ANO1: variants seen among roughly 807,000 people sequenced by gnomAD.
ANO1 encodes anoctamin 1, also known as anoctamin-1.
ANO1 carries 59 observed loss-of-function variants against 124.0 expected under a neutral mutation model. The observed-to-expected ratio is 0.48, with a 90% CI of 0.39 to 0.59. The LOEUF is 0.59. ANO1 is among the 20% of genes least tolerant of loss of function. ANO1 has a pLI of 0.00. For synonymous variants in ANO1, 529 were observed against 532.0 expected (o/e 0.99, Z 0.08); for missense variants, 1,059 against 1,328.0 (o/e 0.80, Z 3.15).
rs926235076 is a variant in ANO1 at position 70,028,727 on chromosome 11, G to A, written c.58+42561G>A. ...GGCAGACTTGGGTCCTCTGCTCCGT[G>A]CTCTGACAGATCGTGGAGGTGGGAC... On this transcript the variant is annotated intron_variant, in intron 1 of 27. Coordinates refer to the ANO1 transcript ENST00000531349. Among the ~76,000 whole-genome samples, 7 of 152,264 alleles carry A rather than the reference G, an allele frequency of 4.6e-5. No homozygotes were observed. The South Asian group carries it at 1.2e-3, about 27-fold the overall frequency.
intron 1 of ANO1, among the ~76,000 whole-genome samples, chr11:70,016,867 C>A (rs1555002020): frequency 6.6e-6 from 1 of 152,226 alleles, no homozygotes; most frequent in Non-Finnish European, 1.5e-5. Flanking sequence ...CAGGCCATTT[C>A]CCAGCTGCTT....
chr11:70,147,336 A>T (rs1019447321), intron 11 of ANO1, among the ~76,000 whole-genome samples: 2 of 151,976 alleles, frequency 1.3e-5, no homozygotes, highest in African/African-American at 4.8e-5. Context: ...ACCTCCCCGC[A>T]TTGCCTCCTG....
intron 1 of ANO1, among the ~76,000 whole-genome samples, chr11:69,987,372 C>A (rs1388264910): frequency 6.6e-6 from 1 of 152,210 alleles, no homozygotes; most frequent in Non-Finnish European, 1.5e-5. Flanking sequence ...GATTCAAATG[C>A]TTCACACATT....
At chr11:70,120,633 G>A (rs1300151555) in intron 8 of ANO1, among the ~76,000 whole-genome samples, 1 of 152,184 alleles carries the variant, frequency 6.6e-6, no homozygotes, top group Non-Finnish European at 1.5e-5. Context: ...TGGAGGCATG[G>A]AGGGTGAGAA....
intron 11 of ANO1, among the ~76,000 whole-genome samples, chr11:70,148,583 C>A (rs1296041028): frequency 6.6e-6 from 1 of 152,192 alleles, no homozygotes; most frequent in Non-Finnish European, 1.5e-5. Flanking sequence ...AGGAACAGCT[C>A]GAGAATCGTG....
At chr11:70,074,277 G>A (rs1214392748), upstream of ANO1, among the ~76,000 whole-genome samples, 3 of 152,224 alleles carry the variant, frequency 2.0e-5, no homozygotes, top group African/African-American at 7.2e-5. Flanking sequence ...AAACCCCTCT[G>A]AATGCAGAGA....
chr11:69,986,648 G>A (rs1856048616), intron 1 of ANO1, among the ~76,000 whole-genome samples: 1 of 151,278 alleles, frequency 6.6e-6, no homozygotes, highest in Non-Finnish European at 1.5e-5. Flanking sequence ...AATCATAATG[G>A]AAACTGAGAG....
At chr11:69,985,706 C>G (rs1210494749), upstream of ANO1, among the ~76,000 whole-genome samples, 1 of 152,164 alleles carries the variant, frequency 6.6e-6, no homozygotes, top group Non-Finnish European at 1.5e-5. Flanking sequence ...GGTGGAGACG[C>G]GCCCCGCGCA....
In ANO1 at chr11:70,065,660, A is replaced by T. The variant is rs532260489; in HGVS notation, c.59-12882A>T. On this transcript the variant is annotated intron_variant, in intron 1 of 27. Transcript: ENST00000531349. ...TCCCCCTAGTTGGCCTGGCCCTCCC[A>T]ACCTCCTCTCTGCCCTTGTCCCCCG... Among the ~76,000 whole-genome samples the T allele has an allele frequency of 2.2e-3, 270 of 121,192 alleles. 2 individuals are homozygous for T. Among genetic ancestry groups the T allele is most frequent in the Non-Finnish European group, 3.9e-3 (222 of 56,934 alleles). The allele number at this position is 121,192 out of a possible 152,430, so 79.5% of individuals were successfully genotyped here.
Position 70,095,427 on chromosome 11 carries a change from A to G in ANO1, c.441+7343A>G, listed in dbSNP as rs549620979. Among the ~76,000 whole-genome samples, 133 of 30,646 alleles carry G rather than the reference A, an allele frequency of 4.3e-3. 17 individuals carry two copies. The highest frequency in any genetic ancestry group is 0.014 in the Admixed American group (57 of 3,970). The allele number at this position is 30,646 out of a possible 152,430, so 20.1% of individuals were successfully genotyped here. Reference sequence around the variant, plus strand: ...GAAAGAAAGAAAGAAAGAAAGAAAGAAAAGAAAAGAAAGAAAGAGGGAAAG... The same window carrying G: ...GAAAGAAAGAAAGAAAGAAAGAAAGGAAAGAAAAGAAAGAAAGAGGGAAAG... On this transcript the variant is annotated intron_variant, in intron 2 of 25. Transcript: ENST00000355303.
intron 16 of ANO1, among the ~76,000 whole-genome samples, chr11:70,160,542 A>C (rs1169133107): frequency 1.3e-5 from 2 of 152,172 alleles, no homozygotes; most frequent in African/African-American, 2.4e-5. Flanking sequence ...GAGAGCTAGA[A>C]GGGTGCTGCT....
In ANO1 at chr11:70,102,959, A is replaced by T. The variant is rs2045335534; in HGVS notation, c.442-107A>T. On this transcript the variant is annotated intron_variant, in intron 2 of 25. Transcript: ENST00000355303. ...GAATGAGGCCGCGGTAAAAGCAGCC[A>T]TGCACAGTAGCTGCTCGATAAATTG... The T allele has an allele frequency of 9.3e-6, 7 of 753,574 alleles. No homozygotes were observed. In the South Asian group the frequency reaches 1.3e-4, roughly 14 times the overall value. 46.7% of individuals were successfully genotyped at this position (753,574 alleles called of 1,614,324 possible).
intron 1 of ANO1, among the ~76,000 whole-genome samples, chr11:70,086,122 C>A (rs2044368674): frequency 6.6e-6 from 1 of 152,206 alleles, no homozygotes; most frequent in East Asian, 1.9e-4. Context: ...AGCGTCCTCA[C>A]GTAGCCACAG....
At chr11:70,025,175 G>A (rs1555003031) in intron 1 of ANO1, among the ~76,000 whole-genome samples, 1 of 152,242 alleles carries the variant, frequency 6.6e-6, no homozygotes, top group African/African-American at 2.4e-5. Flanking sequence ...CCAGCTGGAT[G>A]ACGTTGGGCA....
chr11:70,060,997 G>A (rs1474551323), intron 1 of ANO1, among the ~76,000 whole-genome samples: 1 of 152,172 alleles, frequency 6.6e-6, no homozygotes, highest in African/African-American at 2.4e-5. Context: ...GGTTAGGATA[G>A]CAAAGCCTGG....
chr11:70,188,234 A>T lies in ANO1; in HGVS notation c.*230A>T, dbSNP rs1590957568. On this transcript the variant is annotated 3_prime_UTR_variant, in exon 26 of 26. Transcript: ENST00000355303. Reference sequence around the variant, plus strand: ...TATTTTTTAATCTGTAGTATTCAAGATGAATCAAAATGATGGCTGGTAATA... The same window carrying T: ...TATTTTTTAATCTGTAGTATTCAAGTTGAATCAAAATGATGGCTGGTAATA... 4 of 581,646 alleles carry T rather than the reference A, an allele frequency of 6.9e-6. No homozygotes were observed. The South Asian group carries it at 9.1e-5, about 13-fold the overall frequency. The allele number at this position is 581,646 out of a possible 1,614,324, so 36.0% of individuals were successfully genotyped here. A position where few individuals can be genotyped will look rare whatever the true frequency, so the allele number is the denominator to read the frequency against.
chr11:70,152,357 A>AAT, intron 12 of ANO1, 93 bp from the exon 13 acceptor site: 14 of 922,344 alleles, frequency 1.5e-5, no homozygotes, highest in Non-Finnish European at 2.1e-5. Flanking sequence ...AAAAAAAAAA[A>AAT]GTTGTCCTTA....
chr11:70,177,288 G>A (rs2048740216), intron 22 of ANO1, among the ~76,000 whole-genome samples: 1 of 152,262 alleles, frequency 6.6e-6, no homozygotes, highest in African/African-American at 2.4e-5. Flanking sequence ...CCAAGGGCCA[G>A]GTGGGCCACA....
Position 70,161,314 on chromosome 11 carries a change from C to T in ANO1, c.1732C>T (p.Leu578Phe). The change falls in exon 17 of 26, where the codon CTC becomes TTC. Residue 578 changes from leucine (L) to phenylalanine (F), a missense_variant. Leu to Phe is a conservative substitution (Grantham distance 22). This residue lies in a region of ANO1 where 809 missense variants were observed against 1,094.9 expected (regional missense o/e 0.74). Coordinates refer to ENST00000355303, the MANE Select transcript of ANO1 (RefSeq NM_018043.7). ...AVIINLVVII[L>F]LDEVYGCIAR... ...CATCATCAACCTAGTGGTCATCATC[C>T]TCCTGGACGAGGTGTATGGCTGCAT... 6.2e-7 allele frequency: 1 copy of T among 1,613,914 alleles called. No homozygotes were observed. The highest frequency in any genetic ancestry group is 8.5e-7 in the Non-Finnish European group (1 of 1,179,802).
Sources: allele counts gnomAD v4.1 joint callset (sites outside exome capture counted in the v4.1 genomes callset), GRCh38; gene constraint gnomAD v4.1.1; regional missense constraint gnomAD v4.1.1; transcripts MANE v1.5; gene names NCBI Gene and HGNC (gene_info 2026-07-23, HGNC 2026-07-21).